Variants in HIVEP2 observed in about 807,000 individuals in gnomAD.
HIVEP2 encodes the protein transcription factor HIVEP2.
Under a neutral mutation model 180.7 loss-of-function variants are expected in HIVEP2, and 14 were observed. That is an observed-to-expected ratio of 0.08 (90% CI 0.05 to 0.12). The LOEUF (loss-of-function observed/expected upper bound fraction) is 0.12. Ranked by LOEUF, HIVEP2 falls within the 10% of genes least tolerant of loss-of-function variation. The probability of loss-of-function intolerance (pLI) is 1.00; values close to 1 mark genes in which losing one functional copy is unlikely to be tolerated. For missense variants in HIVEP2, 2,579 were observed against 3,008.5 expected (o/e 0.86, Z 3.34); for synonymous variants, 1,184 against 1,136.4 (o/e 1.04, Z -0.84).
intron 1 of HIVEP2, among the ~76,000 whole-genome samples, chr6:142,854,453 C>G (rs1190628720): frequency 6.6e-6 from 1 of 152,138 alleles, no homozygotes; most frequent in Non-Finnish European, 1.5e-5. Flanking sequence ...GTGATTATAA[C>G]AAAAATCCTT....
At chr6:142,794,235 C>T (rs1182779298) in intron 2 of HIVEP2, 2 of 152,164 alleles carry the variant, frequency 1.3e-5, no homozygotes, top group Non-Finnish European at 2.9e-5. Context: ...TTCTACTTTT[C>T]TTTCCCATTG....
intron 2 of HIVEP2, among the ~76,000 whole-genome samples, chr6:142,829,475 T>C (rs1423913394): frequency 1.1e-4 from 16 of 152,206 alleles, no homozygotes; most frequent in Admixed American, 1.0e-3. Context: ...TACGATTTCT[T>C]TCTCTTCACA....
intron 1 of HIVEP2, among the ~76,000 whole-genome samples, chr6:142,921,116 G>A (rs1777672594): frequency 1.3e-5 from 2 of 152,354 alleles, no homozygotes; most frequent in South Asian, 4.1e-4. Flanking sequence ...AATTAGGACT[G>A]CCGGAGCTTA....
chr6:142,827,215 G>GA (rs1195284353), intron 2 of HIVEP2, among the ~76,000 whole-genome samples: 1 of 151,834 alleles, frequency 6.6e-6, no homozygotes, highest in African/African-American at 2.4e-5. Flanking sequence ...ATAATTGCTT[G>GA]AAAAAACAAA....
intron 2 of HIVEP2, chr6:142,794,010 T>C (rs945002473): frequency 5.3e-5 from 8 of 152,116 alleles, no homozygotes; most frequent in African/African-American, 1.9e-4. Flanking sequence ...AATGAAGTGA[T>C]ATGGGAGAAA....
chr6:142,789,791 T>C (rs1357523566), intron 2 of HIVEP2, among the ~76,000 whole-genome samples: 1 of 152,180 alleles, frequency 6.6e-6, no homozygotes, highest in Non-Finnish European at 1.5e-5. Flanking sequence ...TTAATAATTT[T>C]GAAATTCAAA....
At chr6:142,818,442 C>A (rs1487156697) in intron 2 of HIVEP2, among the ~76,000 whole-genome samples, 1 of 151,886 alleles carries the variant, frequency 6.6e-6, no homozygotes, top group Admixed American at 6.6e-5. Context: ...TTTGGGAGGC[C>A]AAAGCGGGTG....
At chr6:142,883,730 G>A (rs1015551953) in intron 1 of HIVEP2, among the ~76,000 whole-genome samples, 1 of 152,042 alleles carries the variant, frequency 6.6e-6, no homozygotes, top group Non-Finnish European at 1.5e-5. Flanking sequence ...CAATGAAATC[G>A]ACATAAACAA....
chr6:142,766,915 G>A (rs1171920381), intron 6 of HIVEP2, among the ~76,000 whole-genome samples: 4 of 152,074 alleles, frequency 2.6e-5, no homozygotes, highest in Non-Finnish European at 5.9e-5. Context: ...CAAAATAAGA[G>A]GAGGTAACAC....
chr6:142,914,115 G>A (rs6923298), intron 1 of HIVEP2, among the ~76,000 whole-genome samples: 45,833 of 151,934 alleles, frequency 0.3, 7,578 homozygotes, highest in Admixed American at 0.44. Flanking sequence ...CTGCGTATCC[G>A]TAGGTAACCG....
intron 2 of HIVEP2, among the ~76,000 whole-genome samples, chr6:142,803,295 C>A (rs1170599175): frequency 6.6e-6 from 1 of 152,126 alleles, no homozygotes; most frequent in Non-Finnish European, 1.5e-5. Context: ...TGCTTCACCA[C>A]ACAAGCTTTC....
chr6:142,812,334 C>T (rs541705120), intron 2 of HIVEP2, among the ~76,000 whole-genome samples: 1 of 152,208 alleles, frequency 6.6e-6, no homozygotes, highest in African/African-American at 2.4e-5. Flanking sequence ...TCCCAACAGC[C>T]GGAGGGGAAA....
rs779062214 is a variant in HIVEP2, at chr6:142,771,321, C to T, written c.3418G>A (p.Ala1140Thr). The T allele has an allele frequency of 1.2e-5, 19 of 1,613,112 alleles. No homozygotes were observed. The highest frequency in any genetic ancestry group is 1.7e-5 in the Admixed American group (1 of 60,006). ...LQQEDPGKQV[A>T]GPCPPLSSGP... Reference sequence around the variant, plus strand: ...GAGCTCAGCGGGGGACAAGGACCCGCCACCTGCTTCCCTGGGTCCTCTTGC... The same window carrying T: ...GAGCTCAGCGGGGGACAAGGACCCGTCACCTGCTTCCCTGGGTCCTCTTGC... The change falls in exon 5 of 10, where the codon GCG becomes ACG. Residue 1140 changes from alanine to threonine, a missense_variant. By Grantham distance (58) the Ala-to-Thr change is moderately conservative. Transcript: ENST00000367603. This position sits in a 1 kb window ranked among gnomAD's most constrained non-coding sequence, Gnocchi z 5.4.
At chr6:142,905,149 A>C (rs1471910037) in intron 1 of HIVEP2, among the ~76,000 whole-genome samples, 1 of 152,204 alleles carries the variant, frequency 6.6e-6, no homozygotes, top group Non-Finnish European at 1.5e-5. Flanking sequence ...GAAATATTGG[A>C]AGACATATTG....
intron 1 of HIVEP2, among the ~76,000 whole-genome samples, chr6:142,875,598 T>A (rs1776415125): frequency 6.6e-6 from 1 of 152,130 alleles, no homozygotes; most frequent in South Asian, 2.1e-4. Context: ...AGACATAACA[T>A]TCAGCACTTA....
At chr6:142,935,227 A>C (rs1454020348) in intron 1 of HIVEP2, among the ~76,000 whole-genome samples, 3 of 152,188 alleles carry the variant, frequency 2.0e-5, no homozygotes, top group Non-Finnish European at 4.4e-5. Context: ...GGAACATTAA[A>C]ATCAAATGTG....
At chr6:142,864,826 T>C (rs145900707) in intron 1 of HIVEP2, among the ~76,000 whole-genome samples, 1 of 152,274 alleles carries the variant, frequency 6.6e-6, no homozygotes, top group East Asian at 1.9e-4. Context: ...CTCCTTTCCT[T>C]GAAGGTCCTA....
Position 142,752,587 on chromosome 6 carries a change from T to TAAG in HIVEP2, c.*517_*519dup, listed in dbSNP as rs1774948738. The TAAG allele has an allele frequency of 6.5e-6, 1 of 153,528 alleles. No individual in the cohort carries two copies. The highest frequency in any genetic ancestry group is 2.4e-5 in the African/African-American group (1 of 41,402). The allele number at this position is 153,528 out of a possible 1,614,324, so 9.5% of individuals were successfully genotyped here. ...CACATAGAAAAGCAATCCACAACAT[T>TAAG]AAGAAAAAATGTACAATTTATGAAA... is the stretch of plus-strand genomic sequence containing the variant. On this transcript the variant is annotated 3_prime_UTR_variant, in exon 10 of 10. Transcript: ENST00000367603.
chr6:142,877,952 C>T (rs892805882), intron 1 of HIVEP2, among the ~76,000 whole-genome samples: 1 of 152,030 alleles, frequency 6.6e-6, no homozygotes, highest in African/African-American at 2.4e-5. Context: ...CAAACAAGTG[C>T]TGGGATTGTG....
Sources: gnomAD v4.1 joint callset for allele counts (sites outside exome capture counted in the v4.1 genomes callset) on GRCh38, gnomAD v4.1.1 for gene constraint, Gnocchi (gnomAD v3.1) non-coding constraint, MANE v1.5 for transcripts, NCBI Gene and HGNC (gene_info 2026-07-23, HGNC 2026-07-21) for gene names.